The following GNAT3 variants were observed in gnomAD, a reference collection of about 807,000 sequenced individuals.
The protein encoded by GNAT3 is guanine nucleotide-binding protein G(t) subunit alpha-3.
In GNAT3, 31 loss-of-function variants were observed where a neutral mutation model predicts 37.7. The observed-to-expected ratio is 0.82, with a 90% CI of 0.62 to 1.11. The LOEUF is 1.11. Ranked by LOEUF, GNAT3 falls within the 50% of genes most tolerant of loss-of-function variation. The probability of loss-of-function intolerance (pLI) is 0.00; values close to 1 mark genes in which losing one functional copy is unlikely to be tolerated. For synonymous variants in GNAT3, 138 were observed against 139.8 expected (o/e 0.99, Z 0.09); for missense variants, 437 against 412.5 (o/e 1.06, Z -0.51).
chr7:80,504,978 G>T (rs2116229074), intron 1 of GNAT3, among the ~76,000 whole-genome samples: 1 of 152,294 alleles, frequency 6.6e-6, no homozygotes, highest in East Asian at 1.9e-4. Flanking sequence ...GTGTCAGCCA[G>T]GAGACTGAAA....
chr7:80,505,568 G>A (rs1481232017), intron 1 of GNAT3, among the ~76,000 whole-genome samples: 2 of 152,052 alleles, frequency 1.3e-5, no homozygotes, highest in African/African-American at 4.8e-5. Context: ...GGGTTTCACC[G>A]TGTTAGCCAG....
chr7:80,467,878 A>T (rs1790151079), intron 5 of GNAT3, among the ~76,000 whole-genome samples: 1 of 151,886 alleles, frequency 6.6e-6, no homozygotes, highest in African/African-American at 2.4e-5. Context: ...AACTTCCACG[A>T]TGTTACATGG....
At chr7:80,488,037 A>G (rs545665933) in intron 3 of GNAT3, among the ~76,000 whole-genome samples, 1 of 152,212 alleles carries the variant, frequency 6.6e-6, no homozygotes, top group East Asian at 1.9e-4. Context: ...ATATACAGAC[A>G]TTTGCTTACT....
At chr7:80,509,940 A>G (rs1028460594) in intron 1 of GNAT3, among the ~76,000 whole-genome samples, 7 of 152,198 alleles carry the variant, frequency 4.6e-5, no homozygotes, top group Non-Finnish European at 1.0e-4. Context: ...TAGCTAATTA[A>G]CAAATGTATT....
At chr7:80,505,574 G>A (rs1683955059) in intron 1 of GNAT3, among the ~76,000 whole-genome samples, 1 of 152,106 alleles carries the variant, frequency 6.6e-6, no homozygotes. Flanking sequence ...CACCGTGTTA[G>A]CCAGGATGGT....
intron 2 of GNAT3, among the ~76,000 whole-genome samples, chr7:80,491,945 T>G (rs769646530): frequency 2.0e-5 from 3 of 152,200 alleles, no homozygotes; most frequent in Non-Finnish European, 4.4e-5. Flanking sequence ...TGCTTTGAAC[T>G]TTAAATTCCA....
At chr7:80,478,721 T>C in intron 4 of GNAT3, 120 bp downstream of exon 4, 1 of 934,520 alleles carries the variant, frequency 1.1e-6, no homozygotes, top group Non-Finnish European at 1.6e-6. Flanking sequence ...TATTTTACTC[T>C]AATAAAATGT....
intron 5 of GNAT3, among the ~76,000 whole-genome samples, chr7:80,462,922 T>G (rs1466395947): frequency 6.6e-6 from 1 of 152,138 alleles, no homozygotes; most frequent in African/African-American, 2.4e-5. Context: ...AAACATTCAT[T>G]AGCCACAGAA....
intron 1 of GNAT3, among the ~76,000 whole-genome samples, chr7:80,501,217 T>A (rs561149149): frequency 3.3e-5 from 5 of 152,174 alleles, no homozygotes; most frequent in East Asian, 1.9e-4. Context: ...ATAATTAATT[T>A]AAAAACTTAC....
chr7:80,487,823 T>C (rs1207094619), intron 3 of GNAT3: 4 of 152,180 alleles, frequency 2.6e-5, no homozygotes, highest in African/African-American at 9.6e-5. Context: ...CTCTTTTTTT[T>C]GGGTGGGGTC....
At position 80,486,477 on chromosome 7, in the gene GNAT3, G is replaced by T. The variant is rs534245486; in HGVS notation, c.303+2058C>A. ...TTTTTTTTTTTCAAGACAGGGTCTT[G>T]CTCTGTTGCCCAGGCTGGAGTGCAG... On this transcript the variant is annotated intron_variant, in intron 3 of 7. Transcript: ENST00000398291. 4.7e-5 allele frequency: 7 copies of T among 149,038 alleles called. No individual in the cohort carries two copies. In the South Asian group the frequency reaches 8.4e-4, roughly 18 times the overall value. 9.2% of individuals were successfully genotyped at this position (149,038 alleles called of 1,614,324 possible). A position where few individuals can be genotyped will look rare whatever the true frequency, so the allele number is the denominator to read the frequency against.
At position 80,505,782 on chromosome 7, in the gene GNAT3, A is replaced by G. The variant is rs185079411; in HGVS notation, c.118+6027T>C. On this transcript the variant is annotated intron_variant, in intron 1 of 7. Transcript: ENST00000398291. ...CTTCCCCCTTTTTTATTAGCACTGC[A>G]TCTTGTAATAAACAGAATGGATATT... Among the ~76,000 whole-genome samples the G allele has an allele frequency of 7.7e-4, 117 of 152,308 alleles. 1 individual carries two copies. Among genetic ancestry groups the G allele is most frequent in the South Asian group, 1.5e-3 (7 of 4,824 alleles).
chr7:80,479,899 G>A (rs1264416251), intron 3 of GNAT3, among the ~76,000 whole-genome samples: 2 of 151,944 alleles, frequency 1.3e-5, no homozygotes, highest in East Asian at 3.9e-4. Flanking sequence ...ATTGTTGATT[G>A]CATATGCCTT....
chr7:80,494,256 T>C (rs1790671349), intron 2 of GNAT3, among the ~76,000 whole-genome samples: 1 of 152,186 alleles, frequency 6.6e-6, no homozygotes, highest in Non-Finnish European at 1.5e-5. Context: ...AAAATACTGT[T>C]TCCTCAAAAA....
At chr7:80,461,527 A>G (rs1790050594) in intron 7 of GNAT3, among the ~76,000 whole-genome samples, 1 of 152,154 alleles carries the variant, frequency 6.6e-6, no homozygotes, top group Non-Finnish European at 1.5e-5. Flanking sequence ...CTCAAAAAAG[A>G]AAAATAAATA....
At chr7:80,511,747 G>A (rs1451038946) in intron 1 of GNAT3, 62 bp downstream of exon 1, 2 of 931,654 alleles carry the variant, frequency 2.1e-6, no homozygotes, top group Admixed American at 2.1e-5. Flanking sequence ...TCTGAGAAAA[G>A]TAAATATATC....
At chr7:80,502,723 G>A (rs566559968) in intron 1 of GNAT3, among the ~76,000 whole-genome samples, 4 of 151,238 alleles carry the variant, frequency 2.6e-5, no homozygotes, top group African/African-American at 9.7e-5. Flanking sequence ...AAAAAACATA[G>A]GTTTGAATAT....
chr7:80,472,967 A>G (rs1480813418), intron 5 of GNAT3, among the ~76,000 whole-genome samples: 1 of 152,160 alleles, frequency 6.6e-6, no homozygotes, highest in African/African-American at 2.4e-5. Flanking sequence ...AAAGAGTAAG[A>G]CAGAAAAGGG....
chr7:80,490,690 T>C (rs905615898), intron 2 of GNAT3, among the ~76,000 whole-genome samples: 10 of 152,210 alleles, frequency 6.6e-5, no homozygotes, highest in African/African-American at 2.2e-4. Flanking sequence ...TCTTATTTCT[T>C]ACAATAAGCC....
Sources: gnomAD v4.1 joint callset for allele counts (sites outside exome capture counted in the v4.1 genomes callset) on GRCh38, gnomAD v4.1.1 for gene constraint, MANE v1.5 for transcripts, NCBI Gene and HGNC (gene_info 2026-07-23, HGNC 2026-07-21) for gene names.